The following SARM1 variants were observed in gnomAD, a reference collection of about 807,000 sequenced individuals.
The protein encoded by SARM1 is sterile alpha and TIR motif containing 1.
Under a neutral mutation model 65.1 loss-of-function variants are expected in SARM1, and 60 were observed. The ratio of observed to expected loss-of-function variants is 0.92; its 90% CI spans 0.75 to 1.14. SARM1 has a LOEUF of 1.14. SARM1 is among the 50% of genes most tolerant of loss of function. The probability of loss-of-function intolerance (pLI) is 0.00; values close to 1 mark genes in which losing one functional copy is unlikely to be tolerated. For missense variants in SARM1, 913 were observed against 1,015.7 expected, an observed-to-expected ratio of 0.90 and a Z score of 1.37; for synonymous variants, 417 against 465.4, an observed-to-expected ratio of 0.90 and a Z score of 1.34.
Position 28,384,268 on chromosome 17 carries a change from T to C in SARM1, c.1090-89T>C. ...GGGCAGATGGAGAGACTTTGGGTTG[T>C]GAGAAGAGACAAGGAGAGGGACTGG... On this transcript the variant is annotated intron_variant, in intron 2 of 8. Coordinates refer to ENST00000585482, the MANE Select transcript of SARM1 (RefSeq NM_015077.4). This position sits in a 1 kb window ranked among gnomAD's most constrained non-coding sequence, Gnocchi z 4.4. The C allele has an allele frequency of 9.0e-7, 1 of 1,113,998 alleles. No homozygotes were observed. The highest frequency in any genetic ancestry group is 2.2e-4 in the Middle Eastern group (1 of 4,544). 69.0% of individuals were successfully genotyped at this position (1,113,998 alleles called of 1,614,324 possible).
chr17:28,396,200 C>T lies in SARM1; in HGVS notation c.2089C>T (p.Arg697Cys), dbSNP rs372946020. The change falls in exon 9 of 9, where the codon CGC becomes TGC. Residue 697 changes from arginine (R) to cysteine (C), a missense_variant. Coordinates refer to ENST00000585482, the MANE Select transcript of SARM1 (RefSeq NM_015077.4). ...YQEATIEKII[R>C]FLQGRSSRDS... is the part of the protein sequence containing the mutation. ...GGAGGCCACCATTGAGAAGATCATC[C>T]GCTTCCTGCAGGGCCGCTCCTCCCG... 69 of 1,613,872 alleles carry T rather than the reference C, an allele frequency of 4.3e-5. No individual in the cohort carries two copies. Among genetic ancestry groups the T allele is most frequent in the Admixed American group, 1.5e-4 (9 of 60,014 alleles).
intron 1 of SARM1, among the ~76,000 whole-genome samples, chr17:28,375,909 CAG>C (rs2067986593): frequency 6.6e-6 from 1 of 152,136 alleles, no homozygotes; most frequent in African/African-American, 2.4e-5. Context: ...TATATCCTTC[CAG>C]AGAGAGTCTC....
chr17:28,392,440 C>G (rs1213930642), intron 7 of SARM1, among the ~76,000 whole-genome samples: 4 of 152,292 alleles, frequency 2.6e-5, no homozygotes, highest in Admixed American at 1.3e-4. Flanking sequence ...CTTGGCCAGC[C>G]TCTGAATCTG....
rs2068064039 is a variant in SARM1, at chr17:28,388,414, G to A, written c.1798G>A (p.Ala600Thr). The A allele has an allele frequency of 1.2e-6, 2 of 1,613,906 alleles. No individual in the cohort carries two copies. The highest frequency in any genetic ancestry group is 1.7e-5 in the Admixed American group (1 of 60,000). Residue 600 changes from alanine (A) to threonine (T), a missense_variant, in exon 7 of 9, where the codon GCA becomes ACA. By Grantham distance (58) the Ala-to-Thr change is moderately conservative (BLOSUM62 0). Transcript: ENST00000585482. ...SVFIDVEKLE[A>T]GKFEDKLIQS... ...CTTCATTGATGTGGAGAAGCTGGAA[G>A]CAGGCAAGTTCGAGGACAAACTCAT...
In SARM1 at chr17:28,385,118, G is replaced by A. The variant is rs1555585824; in HGVS notation, c.1473G>A (p.Leu491=). 6 of 1,613,588 alleles carry A rather than the reference G, an allele frequency of 3.7e-6. No homozygotes were observed. Among genetic ancestry groups the A allele is most frequent in the Admixed American group, 3.3e-5 (2 of 60,014 alleles). ...TCDRSNLADW[L]GSLDPRFRQY... Reference sequence around the variant, plus strand: ...ACCGCAGCAACCTGGCGGACTGGCTGGGCAGCCTGGACCCGCGCTTCCGCC... The same window carrying A: ...ACCGCAGCAACCTGGCGGACTGGCTAGGCAGCCTGGACCCGCGCTTCCGCC... The change falls in exon 5 of 9, where the codon CTG becomes CTA. Residue 491 remains leucine (L), a synonymous_variant. Coordinates refer to ENST00000585482, the MANE Select transcript of SARM1 (RefSeq NM_015077.4). This position sits in a 1 kb window ranked among gnomAD's most constrained non-coding sequence, Gnocchi z 4.5.
rs940235257 is a variant in SARM1, at chr17:28,372,242, G to A, written c.210G>A (p.Pro70=). ...EVQDALERAL[P]ELQQALSALK... The stretch of plus-strand genomic sequence containing the variant: ...AGGACGCCCTGGAGCGCGCGCTGCC[G>A]GAGCTGCAGCAGGCCTTGTCCGCGC... Residue 70 remains proline (P), a synonymous_variant, in exon 1 of 9, where the codon CCG becomes CCA. Coordinates refer to ENST00000585482, the MANE Select transcript of SARM1 (RefSeq NM_015077.4). This position sits in a 1 kb window ranked among gnomAD's most constrained non-coding sequence, Gnocchi z 5.2. 1.4e-5 allele frequency: 20 copies of A among 1,385,166 alleles called. No homozygotes were observed. Among genetic ancestry groups the A allele is most frequent in the Admixed American group, 3.7e-5 (1 of 26,722 alleles). The allele number at this position is 1,385,166 out of a possible 1,614,324, so 85.8% of individuals were successfully genotyped here.
Position 28,384,790 on chromosome 17 carries a change from C to T in SARM1, c.1303-49C>T. On this transcript the variant is annotated intron_variant, in intron 3 of 8. Transcript: ENST00000585482. The surrounding 1 kb of genome is among the most constrained non-coding windows in gnomAD (Gnocchi z 4.4). Reference sequence around the variant, plus strand: ...TTCCCTTGCATCTTGTGCTCGAGGTCCAAGGGCGGAGTAGCGAAGCCCTTC... The same window carrying T: ...TTCCCTTGCATCTTGTGCTCGAGGTTCAAGGGCGGAGTAGCGAAGCCCTTC... 2 of 1,501,198 alleles carry T rather than the reference C, an allele frequency of 1.3e-6. No homozygotes were observed. Among genetic ancestry groups the T allele is most frequent in the Non-Finnish European group, 1.8e-6 (2 of 1,101,136 alleles). The allele number at this position is 1,501,198 out of a possible 1,614,324, so 93.0% of individuals were successfully genotyped here. A position where few individuals can be genotyped will look rare whatever the true frequency, so the allele number is the denominator to read the frequency against.
At chr17:28,377,170 A>G (rs1555584725) in intron 1 of SARM1, among the ~76,000 whole-genome samples, 1 of 152,224 alleles carries the variant, frequency 6.6e-6, no homozygotes, top group South Asian at 2.1e-4. Context: ...CGCAAAATGA[A>G]GGTGAAGGAT....
At chr17:28,388,766 C>CTTTTTTTTTTTTTTTT (rs371410539) in intron 7 of SARM1, among the ~76,000 whole-genome samples, 1 of 135,916 alleles carries the variant, frequency 7.4e-6, no homozygotes. Context: ...TTTTCTTTTT[C>CTTTTTTTTTTTTTTTT]TTTTTTTTTT....
chr17:28,392,557 T>C lies in SARM1; in HGVS notation c.1924-3348T>C, dbSNP rs797035008. On this transcript the variant is annotated intron_variant, in intron 7 of 8. Coordinates refer to ENST00000585482, the MANE Select transcript of SARM1 (RefSeq NM_015077.4). ...GCAGGCTCAGGATTCATTCCAATGC[T>C]CAGCAGAAAGGCAGCAGGGCTTGGC... is the stretch of plus-strand genomic sequence containing the variant. Among the ~76,000 whole-genome samples, 22 of 152,332 alleles carry C rather than the reference T, an allele frequency of 1.4e-4. 1 individual carries two copies. The highest frequency in any genetic ancestry group is 5.1e-4 in the African/African-American group (21 of 41,574).
chr17:28,377,578 C>T (rs1381821849), intron 1 of SARM1, among the ~76,000 whole-genome samples: 1 of 152,260 alleles, frequency 6.6e-6, no homozygotes, highest in East Asian at 1.9e-4. Context: ...GTTCCGGACT[C>T]AGGTAGGTTC....
intron 2 of SARM1, among the ~76,000 whole-genome samples, chr17:28,382,111 A>G (rs1555585385): frequency 6.6e-6 from 1 of 150,674 alleles, no homozygotes; most frequent in Admixed American, 6.6e-5. Context: ...GTGAGGACGG[A>G]GGCAAGGCAA....
chr17:28,378,368 CCTGAAATGCAA>C (rs782107593), intron 1 of SARM1, among the ~76,000 whole-genome samples: 5 of 152,332 alleles, frequency 3.3e-5, no homozygotes, highest in South Asian at 4.1e-4. Context: ...TATACCTGTG[CCTGAAATGCAA>C]CTGAAATGCA....
At chr17:28,374,146 G>A (rs550948484) in intron 1 of SARM1, 2 of 151,848 alleles carry the variant, frequency 1.3e-5, no homozygotes, top group South Asian at 2.1e-4. Context: ...GCATGGTGGC[G>A]GGCATCTGTA....
chr17:28,394,126 T>A (rs1431148017), intron 7 of SARM1, among the ~76,000 whole-genome samples: 3 of 152,262 alleles, frequency 2.0e-5, no homozygotes, highest in Non-Finnish European at 4.4e-5. Context: ...TTGGACTTTA[T>A]TCTAAGACCA....
At chr17:28,388,942 T>G (rs1322183969) in intron 7 of SARM1, among the ~76,000 whole-genome samples, 3 of 152,082 alleles carry the variant, frequency 2.0e-5, no homozygotes, top group Non-Finnish European at 4.4e-5. Flanking sequence ...GGCTAATTTT[T>G]TTGTATTTTT....
At chr17:28,395,785 C>G in intron 7 of SARM1, 120 bp from the exon 8 acceptor site, 1 of 1,032,862 alleles carries the variant, frequency 9.7e-7, no homozygotes, top group South Asian at 1.4e-5. Context: ...AGGTGGACAT[C>G]AGGACTGGTG....
At position 28,396,407 on chromosome 17, in the gene SARM1, C is replaced by G; in HGVS notation, c.*121C>G. 1.7e-6 allele frequency: 2 copies of G among 1,146,226 alleles called. No homozygotes were observed. 71.0% of individuals were successfully genotyped at this position (1,146,226 alleles called of 1,614,324 possible). On this transcript the variant is annotated 3_prime_UTR_variant, in exon 9 of 9. Transcript: ENST00000585482. ...CCTGGGCTCTTCTTAGGAAATGGCTCTCCCTCCCCCTGTCCCCCACCCTCA... is the reference window on the plus strand; with the variant it reads ...CCTGGGCTCTTCTTAGGAAATGGCTGTCCCTCCCCCTGTCCCCCACCCTCA...
chr17:28,401,293 T>C lies in SARM1; in HGVS notation c.*5007T>C. 1 of 164,256 alleles carries C rather than the reference T, an allele frequency of 6.1e-6. No homozygotes were observed. Among genetic ancestry groups the C allele is most frequent in the Non-Finnish European group, 1.3e-5 (1 of 74,604 alleles). The allele number at this position is 164,256 out of a possible 1,614,324, so 10.2% of individuals were successfully genotyped here. ...CATGGAAATCACCCATCACTGGGCC[T>C]GGTCCCCTGGAAGTAGCTAGTTAGT... On this transcript the variant is annotated 3_prime_UTR_variant, in exon 9 of 9. Coordinates refer to ENST00000585482, the MANE Select transcript of SARM1 (RefSeq NM_015077.4).
Sources: gnomAD v4.1 joint callset for allele counts (sites outside exome capture counted in the v4.1 genomes callset) on GRCh38, gnomAD v4.1.1 for gene constraint, Gnocchi (gnomAD v3.1) non-coding constraint, MANE v1.5 for transcripts, NCBI Gene and HGNC (gene_info 2026-07-23, HGNC 2026-07-21) for gene names.